TTC39C: variants seen among roughly 807,000 people sequenced by gnomAD.
TTC39C encodes the protein tetratricopeptide repeat protein 39C.
In TTC39C, 33 loss-of-function variants were observed where a neutral mutation model predicts 76.3. The observed-to-expected ratio is 0.43, with a 90% CI of 0.33 to 0.58. The LOEUF is 0.58. Ranked by LOEUF, TTC39C falls within the 20% of genes least tolerant of loss-of-function variation. The pLI is 0.04. For missense variants in TTC39C, 595 were observed against 701.4 expected (o/e 0.85, Z 1.71); for synonymous variants, 254 against 260.6 (o/e 0.97, Z 0.24).
At chr18:24,023,991 T>G (rs1333988954) in intron 1 of TTC39C, among the ~76,000 whole-genome samples, 5 of 5,396 alleles carry the variant, frequency 9.3e-4, no homozygotes, top group Non-Finnish European at 1.9e-3. Context: ...CATATATATA[T>G]ATATATATAT....
chr18:24,045,904 T>A (rs572081604), intron 1 of TTC39C, among the ~76,000 whole-genome samples: 8 of 39,202 alleles, frequency 2.0e-4, no homozygotes, highest in African/African-American at 1.2e-3. Context: ...TATATATATA[T>A]ATATATATAT....
At chr18:24,118,269 G>T in intron 8 of TTC39C, 37 bp downstream of exon 8, 1 of 1,551,734 alleles carries the variant, frequency 6.4e-7, no homozygotes. Flanking sequence ...GCCTCTCTCT[G>T]TCGTGAATTA....
chr18:24,060,708 T>G (rs960564444), intron 1 of TTC39C, among the ~76,000 whole-genome samples: 4 of 152,260 alleles, frequency 2.6e-5, no homozygotes, highest in African/African-American at 9.6e-5. Context: ...CTTTTTCCTA[T>G]GCACAAAGTC....
At chr18:23,993,850 G>A (rs1044163182) in intron 1 of TTC39C, among the ~76,000 whole-genome samples, 1 of 152,060 alleles carries the variant, frequency 6.6e-6, no homozygotes, top group African/African-American at 2.4e-5. Flanking sequence ...AGATGTTTTG[G>A]TATTAGGTTT....
At chr18:24,045,580 C>A (rs898422785) in intron 1 of TTC39C, among the ~76,000 whole-genome samples, 2 of 151,836 alleles carry the variant, frequency 1.3e-5, no homozygotes, top group Non-Finnish European at 2.9e-5. Context: ...TACTCTGGAA[C>A]GTAAACTCCG....
chr18:24,081,078 A>C (rs2084370505), intron 5 of TTC39C, 139 bp downstream of exon 5: 1 of 743,104 alleles, frequency 1.3e-6, no homozygotes, highest in Non-Finnish European at 2.1e-6. Flanking sequence ...CTTTCAATGC[A>C]ACACCAAGGA....
intron 4 of TTC39C, 50 bp from the exon 5 acceptor site, chr18:24,080,535 G>A (rs2084363145): frequency 7.1e-7 from 1 of 1,418,242 alleles, no homozygotes; most frequent in African/African-American, 1.5e-5. Flanking sequence ...TATAGAAATA[G>A]AAAAATTATT....
intron 6 of TTC39C, among the ~76,000 whole-genome samples, chr18:24,093,307 G>A (rs536806453): frequency 5.3e-5 from 8 of 151,994 alleles, no homozygotes; most frequent in East Asian, 3.9e-4. Context: ...GTGAAACCCC[G>A]TCTCTACTAC....
chr18:24,073,783 G>A (rs1272825549), intron 4 of TTC39C, among the ~76,000 whole-genome samples: 1 of 152,236 alleles, frequency 6.6e-6, no homozygotes, highest in African/African-American at 2.4e-5. Context: ...TCCTCCCAAA[G>A]TGTGGGGATT....
chr18:23,995,132 C>T (rs75566291), intron 1 of TTC39C, among the ~76,000 whole-genome samples: 1 of 152,240 alleles, frequency 6.6e-6, no homozygotes, highest in African/African-American at 2.4e-5. Context: ...TAACTCCTGA[C>T]AAACACTAAT....
chr18:24,019,727 T>G (rs1014207019), intron 1 of TTC39C: 2 of 711,268 alleles, frequency 2.8e-6, no homozygotes, highest in African/African-American at 3.8e-5. Flanking sequence ...TAAATAAAGT[T>G]TTGAGACACA....
At chr18:24,111,579 A>AG (rs2084810769) in intron 6 of TTC39C, among the ~76,000 whole-genome samples, 1 of 151,546 alleles carries the variant, frequency 6.6e-6, no homozygotes, top group African/African-American at 2.4e-5. Flanking sequence ...AAAAAAAAAA[A>AG]AAGATCATTT....
chr18:24,093,076 A>T (rs2084545459), intron 6 of TTC39C, among the ~76,000 whole-genome samples: 1 of 152,228 alleles, frequency 6.6e-6, no homozygotes, highest in Non-Finnish European at 1.5e-5. Context: ...TTGTAGTAGT[A>T]GTTGCATAGC....
At chr18:24,102,406 G>A (rs2145791510) in intron 6 of TTC39C, among the ~76,000 whole-genome samples, 1 of 152,308 alleles carries the variant, frequency 6.6e-6, no homozygotes, top group East Asian at 1.9e-4. Context: ...TGGCTATGAT[G>A]TGAAAGGTCT....
chr18:24,111,858 C>A (rs557727885), intron 6 of TTC39C, among the ~76,000 whole-genome samples: 1 of 150,522 alleles, frequency 6.6e-6, no homozygotes, highest in Non-Finnish European at 1.5e-5. Flanking sequence ...GCTACGAATG[C>A]GCCATTGCAC....
chr18:24,041,422 A>G (rs2083790974), intron 1 of TTC39C, among the ~76,000 whole-genome samples: 1 of 152,212 alleles, frequency 6.6e-6, no homozygotes, highest in African/African-American at 2.4e-5. Context: ...TAGCAGAGAA[A>G]GCACAAGCCA....
chr18:24,059,825 G>A (rs1019185798), intron 1 of TTC39C, among the ~76,000 whole-genome samples: 5 of 152,150 alleles, frequency 3.3e-5, no homozygotes, highest in Non-Finnish European at 7.3e-5. Context: ...AAAGGAAAGA[G>A]TTTTAATTAA....
At chr18:24,072,842 G>C (rs2084258404) in intron 4 of TTC39C, among the ~76,000 whole-genome samples, 1 of 152,176 alleles carries the variant, frequency 6.6e-6, no homozygotes. Flanking sequence ...TGAAGAGAGG[G>C]CCCATGTCTT....
At chr18:24,020,271 A>G in intron 1 of TTC39C, 1 of 1,006,560 alleles carries the variant, frequency 9.9e-7, no homozygotes, top group Non-Finnish European at 1.2e-6. Flanking sequence ...TCCTAATTAA[A>G]TATTCATTAA....
Sources: allele counts gnomAD v4.1 joint callset (sites outside exome capture counted in the v4.1 genomes callset), GRCh38; gene constraint gnomAD v4.1.1; transcripts MANE v1.5; gene names NCBI Gene and HGNC (gene_info 2026-07-23, HGNC 2026-07-21).